Variants in P2RX4 observed in about 807,000 individuals in gnomAD.
P2RX4 encodes purinergic receptor P2X 4, also known as P2X purinoceptor 4.
P2RX4 carries 37 observed loss-of-function variants against 48.0 expected under a neutral mutation model. The ratio of observed to expected loss-of-function variants is 0.77; its 90% confidence interval spans 0.59 to 1.01. The LOEUF is 1.01. Among genes scored for constraint, P2RX4 ranks in the 50% least tolerant of loss-of-function variants. The pLI, the probability that P2RX4 is intolerant of heterozygous loss-of-function variation, is 0.00. For synonymous variants in P2RX4, 200 were observed against 199.7 expected (o/e 1.00, Z -0.01); for missense variants, 501 against 521.4 (o/e 0.96, Z 0.38).
chr12:121,228,878 C>T lies in P2RX4; in HGVS notation c.747+12C>T. ...ACATGGCCGTGGAGGTGGGTGCGGG[C>T]CCTGGCTCTCCTGACCCAGCCCTGG... On this transcript the variant is annotated intron_variant, in intron 7 of 11. Coordinates refer to ENST00000337233, the MANE Select transcript of P2RX4 (RefSeq NM_002560.3). 2 of 1,614,098 alleles carry T rather than the reference C, an allele frequency of 1.2e-6. No individual in the cohort carries two copies. Among genetic ancestry groups the T allele is most frequent in the Non-Finnish European group, 8.5e-7 (1 of 1,180,014 alleles).
At chr12:121,222,696 C>T (rs1450297831) in intron 4 of P2RX4, 12 of 1,413,540 alleles carry the variant, frequency 8.5e-6, no homozygotes, top group Non-Finnish European at 1.0e-5. Context: ...ACAGGCATGA[C>T]CCACTGTGCC....
intron 2 of P2RX4, among the ~76,000 whole-genome samples, chr12:121,219,112 C>T (rs1283593672): frequency 1.3e-5 from 2 of 152,140 alleles, no homozygotes; most frequent in Non-Finnish European, 2.9e-5. Context: ...GTCGTAGGAG[C>T]GGCCTTCTCT....
At position 121,232,368 on chromosome 12, in the gene P2RX4, G is replaced by T. The variant is rs754111830; in HGVS notation, c.885-46G>T. 4 of 1,336,126 alleles carry T rather than the reference G, an allele frequency of 3.0e-6. No individual in the cohort carries two copies. The highest frequency in any genetic ancestry group is 3.4e-5 in the Admixed American group (2 of 59,256). The allele number at this position is 1,336,126 out of a possible 1,614,324, so 82.8% of individuals were successfully genotyped here. A position where few individuals can be genotyped will look rare whatever the true frequency, so the allele number is the denominator to read the frequency against. ...CTAACGTTCTCTCACAGGGCCCAAG[G>T]TCCTGCCCCAGCCATCTCCCCCTGA... On this transcript the variant is annotated intron_variant, in intron 8 of 11. Transcript: ENST00000337233. The surrounding 1 kb of genome is among the most constrained non-coding windows in gnomAD (Gnocchi z 4.3).
chr12:121,227,608 C>T (rs1887053355), intron 5 of P2RX4, among the ~76,000 whole-genome samples: 2 of 152,310 alleles, frequency 1.3e-5, no homozygotes. Context: ...CCCTGGTTAG[C>T]AATTCAGTTT....
chr12:121,223,699 C>G (rs953692782), intron 5 of P2RX4, among the ~76,000 whole-genome samples: 1 of 152,236 alleles, frequency 6.6e-6, no homozygotes, highest in African/African-American at 2.4e-5. Context: ...CACACATACA[C>G]ATGCGTGCAC....
chr12:121,229,222 C>T lies in P2RX4; in HGVS notation c.884+123C>T. 8.1e-7 allele frequency: 1 copy of T among 1,236,680 alleles called. No homozygotes were observed. The highest frequency in any genetic ancestry group is 1.2e-6 in the Non-Finnish European group (1 of 857,764). The allele number at this position is 1,236,680 out of a possible 1,614,324, so 76.6% of individuals were successfully genotyped here. ...CACCCCAAGGGCAGGCTGCCGGTCCCCCGTCCAAGGCGGCGGGAAGGCCAT... is the reference window on the plus strand; with the variant it reads ...CACCCCAAGGGCAGGCTGCCGGTCCTCCGTCCAAGGCGGCGGGAAGGCCAT... On this transcript the variant is annotated intron_variant, in intron 8 of 11. Coordinates refer to ENST00000337233, the MANE Select transcript of P2RX4 (RefSeq NM_002560.3). The surrounding 1 kb of genome is among the most constrained non-coding windows in gnomAD (Gnocchi z 4.6).
At chr12:121,212,558 C>T (rs866065310) in intron 1 of P2RX4, among the ~76,000 whole-genome samples, 1 of 143,866 alleles carries the variant, frequency 7.0e-6, no homozygotes, top group South Asian at 2.2e-4. Context: ...GAGGCCGAGG[C>T]GGGTGGATCA....
chr12:121,232,455 G>A lies in P2RX4; in HGVS notation c.926G>A (p.Arg309His), dbSNP rs375424841. The change falls in exon 9 of 12, where the codon CGC becomes CAC. Residue 309 changes from arginine to histidine, a missense_variant. Transcript: ENST00000337233. This position sits in a 1 kb window ranked among gnomAD's most constrained non-coding sequence, Gnocchi z 4.3. ...YYRDLAGNEQ[R>H]TLIKAYGIRF... ...AGAGACCTGGCTGGCAACGAGCAGC[G>A]CACGCTCATCAAGGCCTATGGCATC... is the stretch of plus-strand genomic sequence containing the variant. The A allele has an allele frequency of 2.2e-5, 36 of 1,613,970 alleles. No homozygotes were observed. Among genetic ancestry groups the A allele is most frequent in the Middle Eastern group, 3.3e-4 (2 of 6,084 alleles).
intron 8 of P2RX4, among the ~76,000 whole-genome samples, chr12:121,230,947 T>TATAC (rs1389846268): frequency 2.7e-5 from 4 of 149,026 alleles, no homozygotes; most frequent in African/African-American, 9.8e-5. Context: ...TATATATATA[T>TATAC]ATAGCCATTA....
At chr12:121,212,818 A>ATTTTTTTTTTTTTTT (rs1392673928) in intron 1 of P2RX4, 1 of 31,798 alleles carries the variant, frequency 3.1e-5, no homozygotes, top group African/African-American at 1.5e-4. Context: ...ATATATATAT[A>ATTTTTTTTTTTTTTT]TATATATTTT....
intron 2 of P2RX4, among the ~76,000 whole-genome samples, chr12:121,218,726 G>T (rs1382856295): frequency 6.6e-6 from 1 of 152,160 alleles, no homozygotes; most frequent in Non-Finnish European, 1.5e-5. Flanking sequence ...GGATCTGGGC[G>T]GGGGCCGTGT....
At chr12:121,230,218 A>T (rs1225906761) in intron 8 of P2RX4, among the ~76,000 whole-genome samples, 1 of 151,958 alleles carries the variant, frequency 6.6e-6, no homozygotes, top group Non-Finnish European at 1.5e-5. Context: ...CATCTCTACT[A>T]AAAAAAATAC....
intron 3 of P2RX4, 49 bp from the exon 4 acceptor site, chr12:121,222,045 G>A (rs776213127): frequency 1.3e-6 from 2 of 1,598,070 alleles, no homozygotes; most frequent in Non-Finnish European, 1.7e-6. Flanking sequence ...GTCCACCTGT[G>A]TGTGGGGCCG....
intron 2 of P2RX4, among the ~76,000 whole-genome samples, chr12:121,219,647 A>G (rs561477765): frequency 1.0e-4 from 15 of 149,532 alleles, no homozygotes; most frequent in African/African-American, 3.5e-4. Flanking sequence ...ATAGATAGAT[A>G]GATAGATAGA....
Position 121,229,156 on chromosome 12 carries a change from C to A in P2RX4, c.884+57C>A. On this transcript the variant is annotated intron_variant, in intron 8 of 11. Transcript: ENST00000337233. The surrounding 1 kb of genome is among the most constrained non-coding windows in gnomAD (Gnocchi z 4.6). The stretch of plus-strand genomic sequence containing the variant: ...TGTAGGGGGTGCTGGTGGCTGCGTA[C>A]GTGCCAGTGGGCCGCCCACTGAAGA... 1 of 1,602,302 alleles carries A rather than the reference C, an allele frequency of 6.2e-7. No individual in the cohort carries two copies. The highest frequency in any genetic ancestry group is 8.5e-7 in the Non-Finnish European group (1 of 1,170,182).
rs1887219301 is a variant in P2RX4 at position 121,229,704 on chromosome 12, T to C, written c.884+605T>C. On this transcript the variant is annotated intron_variant, in intron 8 of 11. Transcript: ENST00000337233. The surrounding 1 kb of genome is among the most constrained non-coding windows in gnomAD (Gnocchi z 4.6). Reference sequence around the variant, plus strand: ...GAGGCCACAACCTAAAATCCAGGCATCAGCAGGGCTGTGCTCGCTCTGAAG... The same window carrying C: ...GAGGCCACAACCTAAAATCCAGGCACCAGCAGGGCTGTGCTCGCTCTGAAG... Among the ~76,000 whole-genome samples the C allele has an allele frequency of 6.6e-6, 1 of 152,088 alleles. No individual in the cohort carries two copies. Among genetic ancestry groups the C allele is most frequent in the African/African-American group, 2.4e-5 (1 of 41,410 alleles).
rs1211841597 is a variant in P2RX4, at chr12:121,232,571, C to T, written c.979-40C>T. 26 of 1,607,068 alleles carry T rather than the reference C, an allele frequency of 1.6e-5. No individual in the cohort carries two copies. Among genetic ancestry groups the T allele is most frequent in the Non-Finnish European group, 2.1e-5 (25 of 1,173,616 alleles). On this transcript the variant is annotated intron_variant, in intron 9 of 11. Transcript: ENST00000337233. This position sits in a 1 kb window ranked among gnomAD's most constrained non-coding sequence, Gnocchi z 4.3. ...CAGGGACAAGGGGCCTCTCCCTGCC[C>T]CTGCAGAAACACTTTTTTTCTTTTT...
rs201251767 is a variant in P2RX4, at chr12:121,232,649, C to T, written c.1017C>T (p.Ile339=). 35 of 1,613,826 alleles carry T rather than the reference C, an allele frequency of 2.2e-5. No homozygotes were observed. Among genetic ancestry groups the T allele is most frequent in the Non-Finnish European group, 2.7e-5 (32 of 1,179,848 alleles). The change falls in exon 10 of 12, where the codon ATC becomes ATT. Residue 339 remains isoleucine, a synonymous_variant. Transcript: ENST00000337233. The surrounding 1 kb of genome is among the most constrained non-coding windows in gnomAD (Gnocchi z 4.3). ...ACATCATCCCCACTATGATCAACAT[C>T]GGCTCTGGCCTGGCACTGCTAGGCA... ...KFDIIPTMIN[I]GSGLALLGMA... is the part of the protein sequence containing the mutation.
intron 2 of P2RX4, among the ~76,000 whole-genome samples, chr12:121,219,155 A>G (rs942593807): frequency 3.9e-5 from 6 of 152,150 alleles, no homozygotes; most frequent in African/African-American, 1.4e-4. Flanking sequence ...TGTACATTGA[A>G]CACCTGGGAA....
Sources: gnomAD v4.1 joint callset for allele counts (sites outside exome capture counted in the v4.1 genomes callset) on GRCh38, gnomAD v4.1.1 for gene constraint, Gnocchi (gnomAD v3.1) non-coding constraint, MANE v1.5 for transcripts, NCBI Gene and HGNC (gene_info 2026-07-23, HGNC 2026-07-21) for gene names.